The following TENM2 variants were observed in gnomAD, a reference collection of about 807,000 sequenced individuals.
The protein encoded by TENM2 is teneurin transmembrane protein 2, also known as teneurin-2.
In TENM2, 52 loss-of-function variants were observed where a neutral mutation model predicts 245.2. That is an observed-to-expected ratio of 0.21 (90% confidence interval 0.17 to 0.27). TENM2 has a LOEUF of 0.27. Among genes scored for constraint, TENM2 ranks in the 10% least tolerant of loss-of-function variants. The probability of loss-of-function intolerance (pLI) is 1.00; values close to 1 mark genes in which losing one functional copy is unlikely to be tolerated. For synonymous variants in TENM2, 1,363 were observed against 1,438.9 expected (o/e 0.95, Z 1.19); for missense variants, 3,046 against 3,666.8 (o/e 0.83, Z 4.37).
rs549244092 is a variant in TENM2 at position 168,208,565 on chromosome 5, TGACCAG to T, written c.3825-3167_3825-3162del. Reference sequence around the variant, plus strand: ...TTCAGCCAGGACAGACCCTGCTTGATGACCAGGTAGACTGTTAGGGAAGACTATGTG... The same window carrying T: ...TTCAGCCAGGACAGACCCTGCTTGATGTAGACTGTTAGGGAAGACTATGTG... On this transcript the variant is annotated intron_variant, in intron 19 of 28. Coordinates refer to ENST00000518659, the Ensembl canonical transcript of TENM2. Among the ~76,000 whole-genome samples, 24 of 152,348 alleles carry T rather than the reference TGACCAG, an allele frequency of 1.6e-4. 1 individual carries two copies. In the East Asian group the frequency reaches 4.3e-3, roughly 27 times the overall value.
rs557837089 is a variant in TENM2 at position 168,011,681 on chromosome 5, G to T, written c.1186+18499G>T. Among the ~76,000 whole-genome samples, 70 of 152,212 alleles carry T rather than the reference G, an allele frequency of 4.6e-4. No homozygotes were observed. The South Asian group carries it at 9.3e-3, about 20-fold the overall frequency. On this transcript the variant is annotated intron_variant, in intron 5 of 28. Transcript: ENST00000518659. ...CCCTCAGTCCCCTTCACAGAAACAAGCTGTGGCATTAAGTTCCAAAAATTT... is the reference window on the plus strand; with the variant it reads ...CCCTCAGTCCCCTTCACAGAAACAATCTGTGGCATTAAGTTCCAAAAATTT...
chr5:168,023,372 TG>T (rs943724681), intron 5 of TENM2, among the ~76,000 whole-genome samples: 1 of 151,690 alleles, frequency 6.6e-6, no homozygotes, highest in African/African-American at 2.4e-5. Flanking sequence ...AAAGCCCGAG[TG>T]TGATGGGAAG....
At chr5:168,237,645 C>T (rs1765628177) in intron 25 of TENM2, among the ~76,000 whole-genome samples, 1 of 152,108 alleles carries the variant, frequency 6.6e-6, no homozygotes, top group African/African-American at 2.4e-5. Context: ...AACAGCAAGT[C>T]ATCCAAACAT....
intron 2 of TENM2, among the ~76,000 whole-genome samples, chr5:167,679,581 C>G (rs761742707): frequency 2.6e-5 from 4 of 152,096 alleles, no homozygotes; most frequent in Non-Finnish European, 5.9e-5. Flanking sequence ...AGTTTTCTCT[C>G]TTGGTACTGC....
At chr5:167,298,329 T>C (rs941211451) in intron 1 of TENM2, among the ~76,000 whole-genome samples, 22 of 152,224 alleles carry the variant, frequency 1.4e-4, no homozygotes, top group East Asian at 5.8e-4. Context: ...TGGGGCCGGG[T>C]GCGGTGGCTC....
chr5:167,283,029 A>C (rs758173439), upstream of TENM2, among the ~76,000 whole-genome samples: 5 of 151,944 alleles, frequency 3.3e-5, no homozygotes. Context: ...CTTGAAGATC[A>C]TAATATTTGT....
chr5:168,077,479 C>T (rs1791582395), intron 7 of TENM2, among the ~76,000 whole-genome samples: 1 of 151,674 alleles, frequency 6.6e-6, no homozygotes, highest in Non-Finnish European at 1.5e-5. Context: ...GCACAAAGTG[C>T]AGGTTTGTTA....
chr5:167,165,945 T>C, the TENM2 span, among the ~76,000 whole-genome samples: 1 of 152,180 alleles, frequency 6.6e-6, no homozygotes, highest in Non-Finnish European at 1.5e-5. Flanking sequence ...GAATTCTAGA[T>C]TGCTTCTGTC....
At chr5:168,194,298 G>A (rs1761198154) in intron 14 of TENM2, among the ~76,000 whole-genome samples, 1 of 152,276 alleles carries the variant, frequency 6.6e-6, no homozygotes, top group Admixed American at 6.5e-5. Context: ...GAGGAGGCAT[G>A]CACATTCTCC....
intron 2 of TENM2, among the ~76,000 whole-genome samples, chr5:167,849,742 ATTTTACCTACAT>A (rs1005554416): frequency 4.6e-5 from 7 of 152,156 alleles, no homozygotes; most frequent in African/African-American, 1.4e-4. Flanking sequence ...TCAAGGAAAT[ATTTTACCTACAT>A]TTTTACCTAC....
the TENM2 span, among the ~76,000 whole-genome samples, chr5:167,210,849 A>G: frequency 1.3e-5 from 2 of 152,208 alleles, no homozygotes; most frequent in African/African-American, 4.8e-5. Flanking sequence ...GCAGCAGTAG[A>G]TTAAATAAAC....
chr5:168,248,145 C>A (rs754284440), exon 27 of TENM2: 6 of 1,613,868 alleles, frequency 3.7e-6, no homozygotes, highest in Non-Finnish European at 5.1e-6. Flanking sequence ...ATGACTCCAA[C>A]CCCGACTTCC....
At chr5:166,999,083 A>G in the TENM2 span, among the ~76,000 whole-genome samples, 1,575 of 151,488 alleles carry the variant, frequency 0.01, 27 homozygotes, top group African/African-American at 0.036. Flanking sequence ...AATAATTTTT[A>G]TGTTTAAAAA....
chr5:167,922,051 T>G (rs1200004481), intron 3 of TENM2, among the ~76,000 whole-genome samples: 2 of 152,082 alleles, frequency 1.3e-5, no homozygotes, highest in Non-Finnish European at 2.9e-5. Flanking sequence ...AATGTTGAAA[T>G]ATCAAGAAAA....
chr5:167,605,884 C>T (rs981434395), intron 2 of TENM2, among the ~76,000 whole-genome samples: 6 of 152,108 alleles, frequency 3.9e-5, no homozygotes, highest in Non-Finnish European at 5.9e-5. Context: ...ATTTGGGTGT[C>T]GCCCAGAAGA....
At chr5:168,198,791 G>A in intron 15 of TENM2, 62 bp from the exon 18 acceptor site, 4 of 1,570,206 alleles carry the variant, frequency 2.5e-6, no homozygotes, top group Non-Finnish European at 2.6e-6. Context: ...GAGGAGGAGA[G>A]GCATCCTGCC....
At chr5:167,944,115 C>T (rs373792999) in intron 3 of TENM2, among the ~76,000 whole-genome samples, 95 of 152,324 alleles carry the variant, frequency 6.2e-4, no homozygotes, top group African/African-American at 2.2e-3. Flanking sequence ...GTGGCACCTA[C>T]GATTAAAATC....
chr5:168,090,733 G>A (rs772125053), exon 8 of TENM2: 2 of 1,613,880 alleles, frequency 1.2e-6, no homozygotes, highest in South Asian at 2.2e-5. Flanking sequence ...TGATGGAAAA[G>A]ACAAAGAGAT....
At chr5:167,002,694 G>A in the TENM2 span, among the ~76,000 whole-genome samples, 1 of 151,718 alleles carries the variant, frequency 6.6e-6, no homozygotes, top group South Asian at 2.1e-4. Context: ...TGTTCTTCGA[G>A]CCCAGGAGTT....
Sources: gnomAD v4.1 joint callset for allele counts (sites outside exome capture counted in the v4.1 genomes callset) on GRCh38, gnomAD v4.1.1 for gene constraint, MANE v1.5 for transcripts, NCBI Gene and HGNC (gene_info 2026-07-23, HGNC 2026-07-21) for gene names.